The following TCEA3 variants were observed in gnomAD, a reference collection of about 807,000 sequenced individuals.
TCEA3 encodes the protein transcription elongation factor A protein 3.
In TCEA3, 36 loss-of-function variants were observed where a neutral mutation model predicts 44.0. That is an observed-to-expected ratio of 0.82 (90% confidence interval 0.63 to 1.08). The LOEUF (loss-of-function observed/expected upper bound fraction) is 1.08. Ranked by LOEUF, TCEA3 falls within the 50% of genes least tolerant of loss-of-function variation. The pLI is 0.00. For missense variants in TCEA3, 392 were observed against 441.2 expected (o/e 0.89, Z 1.00); for synonymous variants, 162 against 159.7 (o/e 1.01, Z -0.11).
intron 8 of TCEA3, among the ~76,000 whole-genome samples, chr1:23,391,343 C>T (rs1037372268): frequency 6.6e-6 from 1 of 151,562 alleles, no homozygotes; most frequent in Non-Finnish European, 1.5e-5. Context: ...GGAGTTCTGC[C>T]CACCTCGGCC....
chr1:23,406,773 C>A (rs937009038), intron 5 of TCEA3, among the ~76,000 whole-genome samples: 15 of 152,044 alleles, frequency 9.9e-5, no homozygotes, highest in African/African-American at 2.7e-4. Context: ...CAGCCTCCTG[C>A]CACCACGCCC....
intron 8 of TCEA3, among the ~76,000 whole-genome samples, chr1:23,389,923 T>G (rs1190380446): frequency 6.6e-6 from 1 of 152,048 alleles, no homozygotes; most frequent in Non-Finnish European, 1.5e-5. Context: ...TGCCTCTGAG[T>G]CCAACGGATT....
chr1:23,387,668 C>T (rs753926139), intron 8 of TCEA3, among the ~76,000 whole-genome samples: 3 of 152,132 alleles, frequency 2.0e-5, no homozygotes, highest in African/African-American at 2.4e-5. Flanking sequence ...AGCCTCTGCC[C>T]GAGGACGAGC....
intron 8 of TCEA3, among the ~76,000 whole-genome samples, chr1:23,390,359 C>T (rs1638984811): frequency 1.3e-5 from 2 of 152,136 alleles, no homozygotes; most frequent in South Asian, 2.1e-4. Context: ...TGCATGCCTG[C>T]AGTCCTAACT....
intron 1 of TCEA3, among the ~76,000 whole-genome samples, chr1:23,423,360 T>C (rs1356210064): frequency 5.3e-5 from 8 of 152,128 alleles, no homozygotes; most frequent in Admixed American, 5.2e-4. Context: ...TCCAGTGACA[T>C]CCCTTCTCCA....
chr1:23,391,684 A>G (rs550492340), intron 8 of TCEA3, among the ~76,000 whole-genome samples: 2 of 152,228 alleles, frequency 1.3e-5, no homozygotes, highest in East Asian at 3.9e-4. Context: ...GCACTTTGGG[A>G]GGCTGAGGCA....
chr1:23,396,462 C>A (rs1349624120), intron 7 of TCEA3, among the ~76,000 whole-genome samples: 1 of 152,122 alleles, frequency 6.6e-6, no homozygotes, highest in Admixed American at 6.5e-5. Flanking sequence ...GTGGTGGCCA[C>A]CTCTCCTGTC....
At chr1:23,397,689 A>G in intron 6 of TCEA3, 88 bp from the exon 7 acceptor site, 1 of 1,606,678 alleles carries the variant, frequency 6.2e-7, no homozygotes, top group Non-Finnish European at 8.5e-7. Flanking sequence ...GTGTTCCTGT[A>G]CCATCCCTTG....
rs60424866 is a variant in TCEA3, at chr1:23,399,144, GTATATATATATATATATA to G, written c.444-1207_444-1190del. 5.9e-4 allele frequency among the ~76,000 whole-genome samples: 36 copies of G among 61,146 alleles called. No individual in the cohort carries two copies. In the East Asian group the frequency reaches 8.3e-3, roughly 14 times the overall value. The allele number at this position is 61,146 out of a possible 152,430, so 40.1% of individuals were successfully genotyped here. On this transcript the variant is annotated intron_variant, in intron 5 of 10. Coordinates refer to ENST00000450454, the MANE Select transcript of TCEA3 (RefSeq NM_003196.3). ...GTTTTGTTTATATATATGTATATAT[GTATATATATATATATATA>G]TATATATATATATATATCCATATGT... is the stretch of plus-strand genomic sequence containing the variant.
intron 5 of TCEA3, among the ~76,000 whole-genome samples, chr1:23,404,381 T>C (rs1327058680): frequency 6.6e-6 from 1 of 151,892 alleles, no homozygotes; most frequent in Non-Finnish European, 1.5e-5. Context: ...TCCTATTGAC[T>C]TTCCATTCTC....
At chr1:23,419,248 C>T (rs576071859) in intron 1 of TCEA3, 109 bp from the exon 2 acceptor site, 309 of 767,092 alleles carry the variant, frequency 4.0e-4, no homozygotes, top group South Asian at 1.1e-3. Context: ...GACATGTGGC[C>T]GAAGGACAGG....
At chr1:23,411,050 C>A in intron 4 of TCEA3, 1 of 202,632 alleles carries the variant, frequency 4.9e-6, no homozygotes. Context: ...GAAAGTGTAC[C>A]AAATGGGTGA....
At chr1:23,392,649 C>G (rs1216349594) in intron 8 of TCEA3, among the ~76,000 whole-genome samples, 6 of 151,028 alleles carry the variant, frequency 4.0e-5, no homozygotes, top group African/African-American at 1.5e-4. Flanking sequence ...CACACACACT[C>G]CACACATCAT....
intron 5 of TCEA3, chr1:23,404,018 C>G: frequency 1.5e-6 from 1 of 668,376 alleles, no homozygotes; most frequent in Non-Finnish European, 2.8e-6. Flanking sequence ...CAGCTTCCTT[C>G]TGCTCCCCGG....
At chr1:23,407,112 C>T (rs1474873740) in intron 5 of TCEA3, among the ~76,000 whole-genome samples, 3 of 152,240 alleles carry the variant, frequency 2.0e-5, no homozygotes, top group Non-Finnish European at 2.9e-5. Flanking sequence ...CATGCCAATT[C>T]ATGGCAACTC....
Position 23,387,541 on chromosome 1 carries a change from GA to G in TCEA3, c.820-123del. On this transcript the variant is annotated intron_variant, in intron 8 of 10. Coordinates refer to ENST00000450454, the MANE Select transcript of TCEA3 (RefSeq NM_003196.3). The stretch of plus-strand genomic sequence containing the variant: ...ATGCTTTATTGACTGCAAGGAGCTG[GA>G]AGGAGGCCTGGATTCCGGGTCCTGC... 3.3e-6 allele frequency: 4 copies of G among 1,220,974 alleles called. No individual in the cohort carries two copies. The South Asian group carries it at 6.6e-5, about 20-fold the overall frequency. The allele number at this position is 1,220,974 out of a possible 1,614,324, so 75.6% of individuals were successfully genotyped here.
intron 2 of TCEA3, 171 bp from the exon 3 acceptor site, chr1:23,418,180 C>G (rs948726944): frequency 4.7e-6 from 3 of 633,190 alleles, no homozygotes; most frequent in South Asian, 3.8e-5. Flanking sequence ...GTAACTAAGG[C>G]CCTGCTCTGC....
chr1:23,392,474 A>AGTG (rs1558030630), intron 8 of TCEA3, among the ~76,000 whole-genome samples: 2 of 23,506 alleles, frequency 8.5e-5, no homozygotes, highest in African/African-American at 1.8e-4. Flanking sequence ...CATCATACAC[A>AGTG]CCACACACTC....
intron 7 of TCEA3, among the ~76,000 whole-genome samples, chr1:23,395,874 G>C (rs1639201922): frequency 6.6e-6 from 1 of 151,892 alleles, no homozygotes; most frequent in African/African-American, 2.4e-5. Flanking sequence ...GGAAAGGCTG[G>C]GAGTGGAACT....
Sources: allele counts gnomAD v4.1 joint callset (sites outside exome capture counted in the v4.1 genomes callset), GRCh38; gene constraint gnomAD v4.1.1; transcripts MANE v1.5; gene names NCBI Gene and HGNC (gene_info 2026-07-23, HGNC 2026-07-21).